The following CD247 variants were observed in gnomAD, a reference collection of about 807,000 sequenced individuals.
The protein encoded by CD247 is T-cell surface glycoprotein CD3 zeta chain.
In CD247, 13 loss-of-function variants were observed where a neutral mutation model predicts 30.0. The ratio of observed to expected loss-of-function variants is 0.43; its 90% CI spans 0.28 to 0.69. The LOEUF is 0.69. Ranked by LOEUF, CD247 falls within the 30% of genes least tolerant of loss-of-function variation. The probability of loss-of-function intolerance (pLI) is 0.16; values close to 1 mark genes in which losing one functional copy is unlikely to be tolerated. For synonymous variants in CD247, 72 were observed against 80.0 expected, an observed-to-expected ratio of 0.90 and a Z score of 0.53; for missense variants, 193 against 212.6, an observed-to-expected ratio of 0.91 and a Z score of 0.57.
chr1:167,434,551 A>G (rs929816236), intron 5 of CD247: 1 of 355,984 alleles, frequency 2.8e-6, no homozygotes, highest in South Asian at 2.1e-5. Context: ...GGCAACCCAG[A>G]TCGACAATCA....
intron 1 of CD247, among the ~76,000 whole-genome samples, chr1:167,511,985 G>A (rs188682215): frequency 8.5e-5 from 13 of 152,252 alleles, no homozygotes; most frequent in African/African-American, 2.6e-4. Context: ...TCAGAGAACG[G>A]CGGTCTGGAC....
intron 1 of CD247, among the ~76,000 whole-genome samples, chr1:167,495,465 G>A (rs911212762): frequency 2.6e-5 from 4 of 152,170 alleles, no homozygotes; most frequent in Non-Finnish European, 5.9e-5. Context: ...TTGGCATATA[G>A]GAGCGCAACA....
intron 1 of CD247, among the ~76,000 whole-genome samples, chr1:167,517,111 AAG>A (rs1458097597): frequency 4.6e-5 from 7 of 152,216 alleles, no homozygotes; most frequent in Non-Finnish European, 1.0e-4. Context: ...TGCTCTGAGC[AAG>A]CTCAGGCACC....
chr1:167,435,512 GC>G, intron 4 of CD247, 78 bp from the exon 5 acceptor site: 2 of 1,158,954 alleles, frequency 1.7e-6, no homozygotes, highest in Non-Finnish European at 2.6e-6. Context: ...ACCCCATCCT[GC>G]CCCCTGACTG....
intron 1 of CD247, among the ~76,000 whole-genome samples, chr1:167,511,533 G>A (rs1283771985): frequency 2.0e-5 from 3 of 152,060 alleles, no homozygotes; most frequent in Non-Finnish European, 2.9e-5. Context: ...ATCATAATAC[G>A]TTCTAGAAAA....
Position 167,431,353 on chromosome 1 carries a change from C to T in CD247, c.*328G>A. On this transcript the variant is annotated 3_prime_UTR_variant, in exon 8 of 8. Coordinates refer to ENST00000362089, the MANE Select transcript of CD247 (RefSeq NM_198053.3). ...CGCTTTCTCTGGGGACTTTACAAAA[C>T]AGACTCAACAACTCAGCTGTGAGAG... 1.7e-6 allele frequency: 1 copy of T among 595,248 alleles called. No homozygotes were observed. Among genetic ancestry groups the T allele is most frequent in the Non-Finnish European group, 3.0e-6 (1 of 335,196 alleles). 36.9% of individuals were successfully genotyped at this position (595,248 alleles called of 1,614,324 possible).
intron 1 of CD247, among the ~76,000 whole-genome samples, chr1:167,499,285 C>G (rs1424245527): frequency 1.3e-5 from 2 of 152,190 alleles, no homozygotes; most frequent in Non-Finnish European, 2.9e-5. Flanking sequence ...GTGCCCACAG[C>G]CACAGAGAAT....
chr1:167,494,327 G>A lies in CD247; in HGVS notation c.58+24081C>T, dbSNP rs967322058. ...TGTTTAATCTTTTCTGAAAGAGTCC[G>A]ATGTTATCTAAGTGAGGACTGGCCA... On this transcript the variant is annotated intron_variant, in intron 1 of 7. Coordinates refer to ENST00000362089, the MANE Select transcript of CD247 (RefSeq NM_198053.3). The surrounding 1 kb of genome is among the most constrained non-coding windows in gnomAD (Gnocchi z 7.3). Among the ~76,000 whole-genome samples, 1 of 152,186 alleles carries A rather than the reference G, an allele frequency of 6.6e-6. No individual in the cohort carries two copies. Among genetic ancestry groups the A allele is most frequent in the Non-Finnish European group, 1.5e-5 (1 of 68,030 alleles).
chr1:167,514,125 C>CTTATT (rs914523945), intron 1 of CD247, among the ~76,000 whole-genome samples: 8 of 152,002 alleles, frequency 5.3e-5, no homozygotes, highest in Admixed American at 2.6e-4. Flanking sequence ...TTCAACAATT[C>CTTATT]TTATTTTATT....
rs1037358943 is a variant in CD247, at chr1:167,494,541, T to A, written c.58+23867A>T. ...CGACCTCATGGGGCTGCTGTGAGGG[T>A]CAGATGAGAAAATGGGTGGGGAGGT... On this transcript the variant is annotated intron_variant, in intron 1 of 7. Coordinates refer to ENST00000362089, the MANE Select transcript of CD247 (RefSeq NM_198053.3). This position sits in a 1 kb window ranked among gnomAD's most constrained non-coding sequence, Gnocchi z 7.3. 6.6e-6 allele frequency among the ~76,000 whole-genome samples: 1 copy of A among 152,060 alleles called. No homozygotes were observed. Among genetic ancestry groups the A allele is most frequent in the Admixed American group, 6.5e-5 (1 of 15,272 alleles).
intron 1 of CD247, among the ~76,000 whole-genome samples, chr1:167,486,341 C>A (rs190206103): frequency 6.6e-6 from 1 of 152,120 alleles, no homozygotes; most frequent in African/African-American, 2.4e-5. Context: ...GGAAGTGCTG[C>A]GGGACATGAG....
intron 1 of CD247, among the ~76,000 whole-genome samples, chr1:167,462,053 C>T (rs149273760): frequency 6.6e-6 from 1 of 152,262 alleles, no homozygotes; most frequent in African/African-American, 2.4e-5. Flanking sequence ...AGGATGCCCA[C>T]AGGAGGAAAG....
chr1:167,451,149 G>C (rs1371604006), intron 1 of CD247, among the ~76,000 whole-genome samples: 1 of 151,922 alleles, frequency 6.6e-6, no homozygotes, highest in Non-Finnish European at 1.5e-5. Flanking sequence ...GCATGAATGA[G>C]GGGAAGTTCT....
At chr1:167,434,346 T>C (rs563936741) in intron 5 of CD247, 2 of 529,846 alleles carry the variant, frequency 3.8e-6, no homozygotes, top group African/African-American at 3.8e-5. Context: ...CTCAAAAAGA[T>C]AGGAGGTGGA....
At chr1:167,440,835 G>T in intron 1 of CD247, 68 bp from the exon 2 acceptor site, 1 of 959,308 alleles carries the variant, frequency 1.0e-6, no homozygotes, top group South Asian at 1.3e-5. Flanking sequence ...TTACCCCAGG[G>T]TGGCACTAGG....
At chr1:167,482,993 A>ATTCATTCTTTCTTTCTTTCT (rs1654033416) in intron 1 of CD247, among the ~76,000 whole-genome samples, 1 of 135,832 alleles carries the variant, frequency 7.4e-6, no homozygotes, top group African/African-American at 2.7e-5. Context: ...ACTAACCAAT[A>ATTCATTCTTTCTTTCTTTCT]TTCTTTCTTT....
chr1:167,460,745 T>G (rs913961847), intron 1 of CD247, among the ~76,000 whole-genome samples: 2 of 152,192 alleles, frequency 1.3e-5, no homozygotes, highest in South Asian at 4.1e-4. Context: ...TCCAGCCCCC[T>G]GACCCCCCGA....
chr1:167,433,188 C>T, intron 6 of CD247, 129 bp from the exon 7 acceptor site: 1 of 888,276 alleles, frequency 1.1e-6, no homozygotes, highest in South Asian at 1.4e-5. Context: ...AGCACCCCTG[C>T]CCCTGGGAGA....
At chr1:167,478,910 C>G (rs1032219559) in intron 1 of CD247, among the ~76,000 whole-genome samples, 1 of 152,126 alleles carries the variant, frequency 6.6e-6, no homozygotes, top group Non-Finnish European at 1.5e-5. Flanking sequence ...CCAAAATATT[C>G]ACAGTGGTAA....
Sources: allele counts gnomAD v4.1 joint callset (sites outside exome capture counted in the v4.1 genomes callset), GRCh38; gene constraint gnomAD v4.1.1; non-coding constraint Gnocchi (gnomAD v3.1); transcripts MANE v1.5; gene names NCBI Gene and HGNC (gene_info 2026-07-23, HGNC 2026-07-21).